The following TRIP11 variants were observed in gnomAD, a reference collection of about 807,000 sequenced individuals.
The protein encoded by TRIP11 is thyroid hormone receptor interactor 11, also known as thyroid receptor-interacting protein 11.
In TRIP11, 148 loss-of-function variants were observed where a neutral mutation model predicts 223.1. The ratio of observed to expected loss-of-function variants is 0.66; its 90% confidence interval spans 0.58 to 0.76. The LOEUF (loss-of-function observed/expected upper bound fraction) is 0.76, where lower values mean the gene tolerates loss of function less well. Among genes scored for constraint, TRIP11 ranks in the 30% least tolerant of loss-of-function variants. TRIP11 has a pLI of 0.00. For missense variants in TRIP11, 2,043 were observed against 2,222.0 expected, an observed-to-expected ratio of 0.92 and a Z score of 1.62; for synonymous variants, 762 against 772.6, an observed-to-expected ratio of 0.99 and a Z score of 0.23.
intron 9 of TRIP11, 36 bp downstream of exon 9, chr14:92,010,950 C>T: frequency 6.3e-7 from 1 of 1,591,620 alleles, no homozygotes; most frequent in Non-Finnish European, 8.6e-7. Flanking sequence ...GTTACACATA[C>T]CATTTTAATT....
chr14:92,034,424 C>CAAAAAA (rs34612555), intron 1 of TRIP11, among the ~76,000 whole-genome samples: 2 of 133,382 alleles, frequency 1.5e-5, no homozygotes, highest in African/African-American at 5.6e-5. Flanking sequence ...CTCTTGTCTC[C>CAAAAAA]AAAAAAAAAA....
chr14:91,976,400 A>G (rs74071681), intron 16 of TRIP11, among the ~76,000 whole-genome samples: 1 of 152,206 alleles, frequency 6.6e-6, no homozygotes, highest in Non-Finnish European at 1.5e-5. Flanking sequence ...ATTAATTCAC[A>G]TGGTTTACTC....
intron 2 of TRIP11, among the ~76,000 whole-genome samples, chr14:92,029,968 C>T (rs536330093): frequency 1.3e-4 from 20 of 151,968 alleles, no homozygotes; most frequent in African/African-American, 4.1e-4. Context: ...GAGGCCGAGG[C>T]GGGCGGATCA....
At chr14:92,031,201 C>T (rs1216803406) in intron 2 of TRIP11, among the ~76,000 whole-genome samples, 1 of 152,136 alleles carries the variant, frequency 6.6e-6, no homozygotes, top group Non-Finnish European at 1.5e-5. Context: ...TCACTGCAAC[C>T]TCCACATCCC....
At position 92,003,759 on chromosome 14, in the gene TRIP11, T is replaced by C. The variant is rs920889227; in HGVS notation, c.4217A>G (p.Gln1406Arg). ...GAGGTCTTTTTCCTTAAGTAACTTT[T>C]GCAAAACATCTTGTTTCTCCTTTAG... ...KQLKEKQDVL[Q>R]KLLKEKDLLI... is the part of the protein sequence containing the mutation. The change falls in exon 11 of 21, where the codon CAA becomes CGA. Residue 1406 changes from glutamine (Q) to arginine (R), a missense_variant. Coordinates refer to ENST00000267622, the MANE Select transcript of TRIP11 (RefSeq NM_004239.4). The C allele has an allele frequency of 6.2e-7, 1 of 1,614,200 alleles. No individual in the cohort carries two copies. Among genetic ancestry groups the C allele is most frequent in the Non-Finnish European group, 8.5e-7 (1 of 1,180,040 alleles).
chr14:91,987,618 A>G (rs1052623432), intron 16 of TRIP11, among the ~76,000 whole-genome samples: 7 of 152,164 alleles, frequency 4.6e-5, no homozygotes, highest in African/African-American at 1.7e-4. Context: ...ATCATTACCT[A>G]CTAAATGCAG....
chr14:92,021,551 T>C lies in TRIP11; in HGVS notation c.588+5A>G. 6.2e-7 allele frequency: 1 copy of C among 1,613,872 alleles called. No homozygotes were observed. Among genetic ancestry groups the C allele is most frequent in the Non-Finnish European group, 8.5e-7 (1 of 1,180,002 alleles). On this transcript the variant is annotated splice_donor_5th_base_variant and intron_variant, in intron 4 of 20. Transcript: ENST00000267622. ...TTTCAAAAACTCTAAAAAATTTTTA[T>C]CTACCTGAGCAATATGCCTCCAATG...
At chr14:92,028,246 T>C (rs12433765) in intron 2 of TRIP11, among the ~76,000 whole-genome samples, 44 of 152,260 alleles carry the variant, frequency 2.9e-4, no homozygotes, top group African/African-American at 1.0e-3. Flanking sequence ...CTCATCTCCA[T>C]AGCCATATGA....
chr14:91,980,377 A>ACAGT (rs2056522246), intron 16 of TRIP11, among the ~76,000 whole-genome samples: 1 of 152,228 alleles, frequency 6.6e-6, no homozygotes, highest in African/African-American at 2.4e-5. Context: ...GATTTACTGA[A>ACAGT]CAGTCACCTG....
Position 91,999,990 on chromosome 14 carries a change from T to C in TRIP11, c.4676A>G (p.Glu1559Gly). ...VMLALKQKQMENTALQNEVQR... is the reference protein window; with the variant it reads ...VMLALKQKQMGNTALQNEVQR... ...TACCTCATTCTGTAGGGCAGTATTT[T>C]CCATTTGTTTTTGTTTCAGGGCCAA... The change falls in exon 12 of 21, where the codon GAA becomes GGA. Residue 1559 changes from glutamate (E) to glycine (G), a missense_variant. Transcript: ENST00000267622. The C allele has an allele frequency of 6.2e-7, 1 of 1,614,020 alleles. No individual in the cohort carries two copies. The highest frequency in any genetic ancestry group is 8.5e-7 in the Non-Finnish European group (1 of 1,179,946).
chr14:91,996,650 C>G (rs1178218850), intron 13 of TRIP11, among the ~76,000 whole-genome samples: 2 of 152,078 alleles, frequency 1.3e-5, no homozygotes, highest in African/African-American at 2.4e-5. Context: ...TGTAAGGAAC[C>G]CTGGAAGTCA....
chr14:92,007,744 TAA>T lies in TRIP11; in HGVS notation c.1421_1422del (p.Leu474GlnfsTer14), dbSNP rs1488293035. On this transcript the variant is annotated frameshift_variant, in exon 10 of 21. Transcript: ENST00000267622. LOFTEE classifies it high-confidence loss of function. Reference sequence around the variant, plus strand: ...AGTTCTTGTTCCTTTGCCTCCAAATTAAGTCTTAAGTCATGTAATTCTGAATC... The same window carrying T: ...AGTTCTTGTTCCTTTGCCTCCAAATTGTCTTAAGTCATGTAATTCTGAATC... ...SLDSELHDLR[L>X]NLEAKEQELN... is the part of the protein sequence containing the mutation. 2 of 1,613,760 alleles carry T rather than the reference TAA, an allele frequency of 1.2e-6. No individual in the cohort carries two copies. Among genetic ancestry groups the T allele is most frequent in the Non-Finnish European group, 1.7e-6 (2 of 1,179,954 alleles).
At chr14:91,974,849 G>T (rs1457337993) in intron 18 of TRIP11, 106 bp from the exon 19 acceptor site, 5 of 940,762 alleles carry the variant, frequency 5.3e-6, no homozygotes, top group Non-Finnish European at 8.2e-6. Flanking sequence ...TGCTTTTCAA[G>T]TTCAAGTCCT....
chr14:92,021,487 TAC>T, intron 4 of TRIP11, 67 bp downstream of exon 4: 1 of 1,514,780 alleles, frequency 6.6e-7, no homozygotes. Flanking sequence ...AAGCTCTACA[TAC>T]AGTTTTTTAT....
chr14:92,020,481 C>A (rs2057097372), intron 4 of TRIP11, among the ~76,000 whole-genome samples: 1 of 151,862 alleles, frequency 6.6e-6, no homozygotes, highest in South Asian at 2.1e-4. Context: ...ATATCAATTA[C>A]CAGATTTTCA....
intron 12 of TRIP11, 40 bp from the exon 13 acceptor site, chr14:91,999,473 C>G: frequency 6.3e-7 from 1 of 1,586,198 alleles, no homozygotes; most frequent in Non-Finnish European, 8.6e-7. Flanking sequence ...AAAATGCTCC[C>G]TTTCCACTGC....
chr14:91,969,943 A>G (rs770031762), intron 20 of TRIP11, 50 bp from the exon 21 acceptor site: 1 of 1,530,148 alleles, frequency 6.5e-7, no homozygotes, highest in Non-Finnish European at 9.0e-7. Flanking sequence ...AAAGAAGTCA[A>G]AATGAAATAA....
At position 92,011,483 on chromosome 14, in the gene TRIP11, C is replaced by CAAA. The variant is rs200967942; in HGVS notation, c.1227+269_1227+271dup. Reference sequence around the variant, plus strand: ...TGGGTGACAGAGCAAGACTCCGTCTCAAAAAAAAAAAAAAAAAAAAAAAAA... The same window carrying CAAA: ...TGGGTGACAGAGCAAGACTCCGTCTCAAAAAAAAAAAAAAAAAAAAAAAAAAAA... On this transcript the variant is annotated intron_variant, in intron 8 of 20. Transcript: ENST00000267622. 1.2e-3 allele frequency among the ~76,000 whole-genome samples: 52 copies of CAAA among 42,450 alleles called. 2 individuals carry two copies. Among genetic ancestry groups the CAAA allele is most frequent in the African/African-American group, 3.0e-3 (35 of 11,486 alleles). The allele number at this position is 42,450 out of a possible 152,430, so 27.8% of individuals were successfully genotyped here.
intron 16 of TRIP11, among the ~76,000 whole-genome samples, chr14:91,985,674 C>G (rs905866293): frequency 2.6e-5 from 4 of 152,216 alleles, no homozygotes; most frequent in Non-Finnish European, 5.9e-5. Context: ...ATTCAAGTCT[C>G]CATGTACTTT....
Sources: gnomAD v4.1 joint callset for allele counts (sites outside exome capture counted in the v4.1 genomes callset) on GRCh38, gnomAD v4.1.1 for gene constraint, MANE v1.5 for transcripts, NCBI Gene and HGNC (gene_info 2026-07-23, HGNC 2026-07-21) for gene names.